The following TF variants were observed in gnomAD, a reference collection of about 807,000 sequenced individuals.
TF encodes the protein serotransferrin.
In TF, 55 loss-of-function variants were observed where a neutral mutation model predicts 82.4. The ratio of observed to expected loss-of-function variants is 0.67; its 90% CI spans 0.54 to 0.84. The LOEUF is 0.84. Ranked by LOEUF, TF falls within the 40% of genes least tolerant of loss-of-function variation. The pLI is 0.00. For synonymous variants in TF, 332 were observed against 332.6 expected, an observed-to-expected ratio of 1.00 and a Z score of 0.02; for missense variants, 737 against 868.4, an observed-to-expected ratio of 0.85 and a Z score of 1.90.
chr3:133,775,629 C>T lies in TF; in HGVS notation c.1872+12C>T. ...TACGTCAACAGCAGGTATGGACCAGCCAGGTCCTCCCACCTTTTCTTCCTA... is the reference window on the plus strand; with the variant it reads ...TACGTCAACAGCAGGTATGGACCAGTCAGGTCCTCCCACCTTTTCTTCCTA... On this transcript the variant is annotated intron_variant, in intron 15 of 16. Transcript: ENST00000402696. 1 of 1,613,262 alleles carries T rather than the reference C, an allele frequency of 6.2e-7. No individual in the cohort carries two copies. The highest frequency in any genetic ancestry group is 1.1e-5 in the South Asian group (1 of 91,044).
rs766935050 is a variant in TF at position 133,756,845 on chromosome 3, A to G, written c.706A>G (p.Lys236Glu). 6.2e-7 allele frequency: 1 copy of G among 1,614,188 alleles called. No individual in the cohort carries two copies. The highest frequency in any genetic ancestry group is 1.7e-5 in the Admixed American group (1 of 60,028). Residue 236 changes from lysine to glutamate, a missense_variant, in exon 7 of 17, where the codon AAG becomes GAG. Lys to Glu is a moderately conservative substitution (Grantham distance 56). Transcript: ENST00000402696. ...TCCCTCCCCAGAGAACTTGGCAAAC[A>G]AGGCTGACAGGGACCAGTATGAGCT... ...HSTIFENLANKADRDQYELLC... is the reference protein window; with the variant it reads ...HSTIFENLANEADRDQYELLC...
rs1934854665 is a variant in TF, at chr3:133,792,144, A to G, written c.*13524A>G. ...TATTTTGGAGCATTAGATTCTAGATAAGGCCTGGGGACAAATAGAATTAGC... is the reference window on the plus strand; with the variant it reads ...TATTTTGGAGCATTAGATTCTAGATGAGGCCTGGGGACAAATAGAATTAGC... On this transcript the variant is annotated 3_prime_UTR_variant, in exon 17 of 17. Transcript: ENST00000402696. 1 of 152,224 alleles carries G rather than the reference A, an allele frequency of 6.6e-6. No homozygotes were observed. Among genetic ancestry groups the G allele is most frequent in the Non-Finnish European group, 1.5e-5 (1 of 68,030 alleles). The allele number at this position is 152,224 out of a possible 1,614,324, so 9.4% of individuals were successfully genotyped here. A position where few individuals can be genotyped will look rare whatever the true frequency, so the allele number is the denominator to read the frequency against.
Position 133,766,262 on chromosome 3 carries a change from G to C in TF, c.1331-16G>C. 6.2e-7 allele frequency: 1 copy of C among 1,613,754 alleles called. No individual in the cohort carries two copies. The highest frequency in any genetic ancestry group is 8.5e-7 in the Non-Finnish European group (1 of 1,179,660). On this transcript the variant is annotated splice_polypyrimidine_tract_variant and intron_variant, in intron 11 of 16. Coordinates refer to ENST00000402696, the MANE Select transcript of TF (RefSeq NM_001063.4). ...CAGAGGTGTTAATACATCCTTTTCT[G>C]GTGTCTTTCTTGTAGGGTATTTTGC...
At chr3:133,742,927 C>T (rs76996761), upstream of TF, among the ~76,000 whole-genome samples, 1,547 of 152,282 alleles carry the variant, frequency 0.01, 27 homozygotes, top group African/African-American at 0.036. Flanking sequence ...GCCCTGTTTG[C>T]GGTGAAAGAT....
the TF span, among the ~76,000 whole-genome samples, chr3:133,682,613 T>C: frequency 2.0e-5 from 3 of 151,976 alleles, no homozygotes; most frequent in South Asian, 2.1e-4. Flanking sequence ...GTATCAGTGA[T>C]TGAAGATCAA....
chr3:133,694,863 T>G, the TF span, among the ~76,000 whole-genome samples: 1 of 105,152 alleles, frequency 9.5e-6, no homozygotes, highest in African/African-American at 4.0e-5. Flanking sequence ...TATTTATTTA[T>G]TTATTTATTT....
the TF span, among the ~76,000 whole-genome samples, chr3:133,688,647 T>C: frequency 6.6e-6 from 1 of 152,180 alleles, no homozygotes; most frequent in African/African-American, 2.4e-5. Context: ...AAAGCTAGCA[T>C]TACATTGAAA....
chr3:133,754,398 C>T, intron 3 of TF, 97 bp from the exon 4 acceptor site: 1 of 1,286,958 alleles, frequency 7.8e-7, no homozygotes, highest in East Asian at 2.3e-5. Context: ...AAAAGCATGG[C>T]CTCTCCGCTC....
At chr3:133,754,056 T>A (rs1933754907) in intron 3 of TF, 2 of 441,666 alleles carry the variant, frequency 4.5e-6, no homozygotes, top group African/African-American at 2.0e-5. Flanking sequence ...ACAGGAGGGG[T>A]CACTCTGGAG....
chr3:133,764,026 G>T (rs8177272), intron 9 of TF, among the ~76,000 whole-genome samples, 156 bp from the exon 10 acceptor site: 1 of 152,086 alleles, frequency 6.6e-6, no homozygotes, highest in Admixed American at 6.6e-5. Flanking sequence ...TCTCTGCTGA[G>T]TGTGCCTGGC....
In TF at chr3:133,793,600, T is replaced by A. The variant is rs1053465041; in HGVS notation, c.*14980T>A. The stretch of plus-strand genomic sequence containing the variant: ...TAAAATTCCAATATGTCTGAGTATA[T>A]GCTATCAATCATAATTATGATTATT... On this transcript the variant is annotated 3_prime_UTR_variant, in exon 17 of 17. Transcript: ENST00000402696. 9 of 152,320 alleles carry A rather than the reference T, an allele frequency of 5.9e-5. No individual in the cohort carries two copies. The highest frequency in any genetic ancestry group is 1.2e-4 in the Non-Finnish European group (8 of 68,012). 9.4% of individuals were successfully genotyped at this position (152,320 alleles called of 1,614,324 possible).
the TF span, among the ~76,000 whole-genome samples, chr3:133,715,449 C>G: frequency 6.6e-6 from 1 of 152,162 alleles, no homozygotes; most frequent in African/African-American, 2.4e-5. Flanking sequence ...GTTGCCCTGG[C>G]AGTTCTCCCT....
chr3:133,784,480 T>TA lies in TF; in HGVS notation c.*5862dup, dbSNP rs1434596885. 14 of 127,134 alleles carry TA rather than the reference T, an allele frequency of 1.1e-4. No individual in the cohort carries two copies. The highest frequency in any genetic ancestry group is 1.3e-4 in the African/African-American group (4 of 30,416). The allele number at this position is 127,134 out of a possible 1,614,324, so 7.9% of individuals were successfully genotyped here. A position where few individuals can be genotyped will look rare whatever the true frequency, so the allele number is the denominator to read the frequency against. On this transcript the variant is annotated 3_prime_UTR_variant, in exon 17 of 17. Coordinates refer to ENST00000402696, the MANE Select transcript of TF (RefSeq NM_001063.4). Reference sequence around the variant, plus strand: ...TTCCCATTTGTTAAAAAAATAATAATAATAATAATAATAATAATAATAATA... The same window carrying TA: ...TTCCCATTTGTTAAAAAAATAATAATAAATAATAATAATAATAATAATAATA...
intron 5 of TF, 95 bp from the exon 6 acceptor site, chr3:133,756,187 C>T: frequency 1.6e-6 from 2 of 1,248,680 alleles, no homozygotes; most frequent in Non-Finnish European, 2.3e-6. Context: ...CAGGCTCTAT[C>T]CTAGTGTGAG....
chr3:133,756,841 A>G lies in TF; in HGVS notation c.702A>G (p.Ala234=). 1 of 1,614,198 alleles carries G rather than the reference A, an allele frequency of 6.2e-7. No homozygotes were observed. Among genetic ancestry groups the G allele is most frequent in the Non-Finnish European group, 8.5e-7 (1 of 1,180,028 alleles). The stretch of plus-strand genomic sequence containing the variant: ...GCTTTCCCTCCCCAGAGAACTTGGC[A>G]AACAAGGCTGACAGGGACCAGTATG... ...VKHSTIFENL[A]NKADRDQYEL... The change falls in exon 7 of 17, where the codon GCA becomes GCG. Residue 234 remains alanine (A), a synonymous_variant. Transcript: ENST00000402696.
chr3:133,691,366 G>T, the TF span, among the ~76,000 whole-genome samples: 1 of 152,202 alleles, frequency 6.6e-6, no homozygotes, highest in East Asian at 1.9e-4. Flanking sequence ...ACCTACCTGT[G>T]CTAGGTGCTC....
chr3:133,714,226 T>C, the TF span, among the ~76,000 whole-genome samples: 1 of 152,170 alleles, frequency 6.6e-6, no homozygotes, highest in Non-Finnish European at 1.5e-5. Flanking sequence ...GCACTGGCTG[T>C]CTCGGAGCCC....
chr3:133,792,342 A>C lies in TF; in HGVS notation c.*13722A>C, dbSNP rs1934861693. On this transcript the variant is annotated 3_prime_UTR_variant, in exon 17 of 17. Transcript: ENST00000402696. ...TCGTAGATGGTCTGTGTAAGTCATG[A>C]AATAATTTACAAAAGAGAATTTATG... 2 of 152,276 alleles carry C rather than the reference A, an allele frequency of 1.3e-5. No homozygotes were observed. Among genetic ancestry groups the C allele is most frequent in the Admixed American group, 1.3e-4 (2 of 15,292 alleles). The allele number at this position is 152,276 out of a possible 1,614,324, so 9.4% of individuals were successfully genotyped here.
the TF span, among the ~76,000 whole-genome samples, chr3:133,686,458 G>A: frequency 2.6e-5 from 4 of 152,126 alleles, no homozygotes; most frequent in African/African-American, 9.7e-5. Context: ...ATCTGACAAA[G>A]GGCTAATATC....
Sources: allele counts gnomAD v4.1 joint callset (sites outside exome capture counted in the v4.1 genomes callset), GRCh38; gene constraint gnomAD v4.1.1; transcripts MANE v1.5; gene names NCBI Gene and HGNC (gene_info 2026-07-23, HGNC 2026-07-21).